Variants in RANBP2 observed in about 807,000 individuals in gnomAD.
The protein encoded by RANBP2 is E3 SUMO-protein ligase RanBP2.
A neutral mutation model predicts 303.6 loss-of-function variants in RANBP2; 57 were observed. The ratio of observed to expected loss-of-function variants is 0.19; its 90% CI spans 0.15 to 0.23. The LOEUF is 0.23. RANBP2 is among the 10% of genes least tolerant of loss of function. RANBP2 has a pLI of 1.00. For missense variants in RANBP2, 3,138 were observed against 3,780.8 expected (o/e 0.83, Z 4.46); for synonymous variants, 1,167 against 1,301.5 (o/e 0.90, Z 2.23).
chr2:109,192,810 A>G, the RANBP2 span, among the ~76,000 whole-genome samples: 1 of 152,164 alleles, frequency 6.6e-6, no homozygotes, highest in Non-Finnish European at 1.5e-5. Flanking sequence ...ACAAATATGA[A>G]TGGTCATTGG....
At chr2:108,843,253 G>A in the RANBP2 span, among the ~76,000 whole-genome samples, 1 of 152,144 alleles carries the variant, frequency 6.6e-6, no homozygotes, top group Admixed American at 6.6e-5. Context: ...CGTCTGCTGG[G>A]TTCAAACCAT....
intron 15 of RANBP2, among the ~76,000 whole-genome samples, chr2:108,754,642 T>C (rs1181165242): frequency 1.3e-5 from 2 of 151,982 alleles, no homozygotes; most frequent in Middle Eastern, 3.4e-3. Flanking sequence ...GCATGGACTT[T>C]AGAATCAGAA....
chr2:108,838,611 C>G, the RANBP2 span, among the ~76,000 whole-genome samples: 1 of 151,990 alleles, frequency 6.6e-6, no homozygotes, highest in African/African-American at 2.4e-5. Context: ...ACTTTTGAAG[C>G]AAAATTCATA....
At chr2:108,845,223 T>C in the RANBP2 span, among the ~76,000 whole-genome samples, 4 of 152,226 alleles carry the variant, frequency 2.6e-5, no homozygotes. Flanking sequence ...ATGTATTTTT[T>C]TTCTAATAAT....
chr2:109,427,630 G>C, the RANBP2 span, among the ~76,000 whole-genome samples: 1 of 152,234 alleles, frequency 6.6e-6, no homozygotes, highest in Non-Finnish European at 1.5e-5. Flanking sequence ...TGTCAAAGGT[G>C]CTCAGTTGGG....
chr2:108,985,298 GGTT>G, the RANBP2 span, among the ~76,000 whole-genome samples: 8 of 152,196 alleles, frequency 5.3e-5, no homozygotes, highest in Non-Finnish European at 1.2e-4. Flanking sequence ...ACGTGACTGT[GGTT>G]GTTATTGCCC....
At chr2:108,819,395 C>A in the RANBP2 span, among the ~76,000 whole-genome samples, 2 of 152,126 alleles carry the variant, frequency 1.3e-5, no homozygotes, top group African/African-American at 4.8e-5. Context: ...CCAAAGTCTG[C>A]CCACAGGACT....
At chr2:108,836,050 C>T in the RANBP2 span, among the ~76,000 whole-genome samples, 1 of 152,178 alleles carries the variant, frequency 6.6e-6, no homozygotes, top group South Asian at 2.1e-4. Flanking sequence ...CTGACGTAAA[C>T]ACTTCCCAGT....
At chr2:108,808,919 A>G in the RANBP2 span, among the ~76,000 whole-genome samples, 40 of 151,700 alleles carry the variant, frequency 2.6e-4, no homozygotes, top group Non-Finnish European at 2.4e-4. Flanking sequence ...ACTATTTCCC[A>G]TTTTTTCCTC....
At chr2:109,090,358 A>C in the RANBP2 span, among the ~76,000 whole-genome samples, 6 of 148,214 alleles carry the variant, frequency 4.0e-5, no homozygotes, top group South Asian at 2.1e-4. Flanking sequence ...ACACACACAC[A>C]CCACGTCTAT....
At chr2:108,790,111 G>T (rs943368935), downstream of RANBP2, among the ~76,000 whole-genome samples, 15 of 152,016 alleles carry the variant, frequency 9.9e-5, no homozygotes, top group African/African-American at 3.6e-4. Flanking sequence ...ACTTTGAACA[G>T]TTCTGGGTAA....
At chr2:109,556,237 C>A in the RANBP2 span, among the ~76,000 whole-genome samples, 1 of 152,128 alleles carries the variant, frequency 6.6e-6, no homozygotes, top group Non-Finnish European at 1.5e-5. Context: ...AAACACTGAG[C>A]CCTTCCATTT....
chr2:109,363,854 T>C, the RANBP2 span, among the ~76,000 whole-genome samples: 1 of 152,208 alleles, frequency 6.6e-6, no homozygotes, highest in Non-Finnish European at 1.5e-5. Flanking sequence ...TTATAGGTAA[T>C]GTGTTTTTTC....
the RANBP2 span, among the ~76,000 whole-genome samples, chr2:109,500,679 T>A: frequency 6.6e-6 from 1 of 152,204 alleles, no homozygotes; most frequent in Non-Finnish European, 1.5e-5. Context: ...TTAGGCACGG[T>A]GGCTCATGCT....
chr2:108,845,684 G>T, the RANBP2 span, among the ~76,000 whole-genome samples: 1 of 149,852 alleles, frequency 6.7e-6, no homozygotes, highest in Non-Finnish European at 1.5e-5. Context: ...CCATTCTCCT[G>T]TCTCAGCCTC....
In RANBP2 at chr2:108,751,394, C is replaced by T; in HGVS notation, c.1404C>T (p.Thr468=). 6.2e-7 allele frequency: 1 copy of T among 1,611,984 alleles called. No homozygotes were observed. Among genetic ancestry groups the T allele is most frequent in the Non-Finnish European group, 8.5e-7 (1 of 1,179,854 alleles). ...KQLFHHLPHE[T]SRLETNAPES... Reference sequence around the variant, plus strand: ...TTTTCCATCATTTGCCCCATGAAACCTCAAGGCTTGAAACAAATGCACCTG... The same window carrying T: ...TTTTCCATCATTTGCCCCATGAAACTTCAAGGCTTGAAACAAATGCACCTG... The change falls in exon 10 of 29, where the codon ACC becomes ACT. Residue 468 remains threonine (T), a synonymous_variant. Transcript: ENST00000283195.
chr2:109,248,192 T>C, the RANBP2 span, among the ~76,000 whole-genome samples: 1 of 152,246 alleles, frequency 6.6e-6, no homozygotes, highest in Non-Finnish European at 1.5e-5. Context: ...ATATTAATTC[T>C]TTCATTGCTA....
chr2:109,200,549 C>G, the RANBP2 span, among the ~76,000 whole-genome samples: 1 of 152,162 alleles, frequency 6.6e-6, no homozygotes, highest in African/African-American at 2.4e-5. Flanking sequence ...CTCCAGGCTC[C>G]CGGCCTCCAG....
chr2:109,739,842 T>C, the RANBP2 span, among the ~76,000 whole-genome samples: 1 of 151,056 alleles, frequency 6.6e-6, no homozygotes, highest in East Asian at 1.9e-4. Context: ...TACAGTACAA[T>C]ACTAGCTGTG....
Sources: allele counts gnomAD v4.1 joint callset (sites outside exome capture counted in the v4.1 genomes callset), GRCh38; gene constraint gnomAD v4.1.1; transcripts MANE v1.5; gene names NCBI Gene and HGNC (gene_info 2026-07-23, HGNC 2026-07-21).